The following CRB1 variants were observed in gnomAD, a reference collection of about 807,000 sequenced individuals.
CRB1 encodes the protein protein crumbs homolog 1.
In CRB1, 83 loss-of-function variants were observed where a neutral mutation model predicts 120.0. The observed-to-expected ratio is 0.69, with a 90% CI of 0.58 to 0.83. CRB1 has a LOEUF of 0.83. Among genes scored for constraint, CRB1 ranks in the 40% least tolerant of loss-of-function variants. CRB1 has a pLI of 0.00. For synonymous variants in CRB1, 625 were observed against 612.5 expected (o/e 1.02, Z -0.30); for missense variants, 1,699 against 1,687.6 (o/e 1.01, Z -0.12).
chr1:197,201,619 A>C, the CRB1 span, among the ~76,000 whole-genome samples: 1 of 152,086 alleles, frequency 6.6e-6, no homozygotes, highest in Non-Finnish European at 1.5e-5. Flanking sequence ...GGGCAATGGG[A>C]GAGGGGAGGA....
the CRB1 span, among the ~76,000 whole-genome samples, chr1:197,211,599 C>A: frequency 6.6e-6 from 1 of 152,166 alleles, no homozygotes; most frequent in Non-Finnish European, 1.5e-5. Context: ...TAAGGTGGAG[C>A]TCTCATGAAA....
intron 2 of CRB1, among the ~76,000 whole-genome samples, chr1:197,331,616 T>C (rs1174382838): frequency 6.6e-6 from 1 of 152,132 alleles, no homozygotes; most frequent in Non-Finnish European, 1.5e-5. Context: ...TTTACAATGG[T>C]CACATTTAAA....
chr1:197,453,482 A>T (rs1437055860), intron 11 of CRB1, among the ~76,000 whole-genome samples: 5 of 146,392 alleles, frequency 3.4e-5, no homozygotes, highest in Non-Finnish European at 4.5e-5. Flanking sequence ...TACATTAAAT[A>T]ACTGTGTGTG....
chr1:197,308,773 C>A (rs1268284978), intron 1 of CRB1, among the ~76,000 whole-genome samples: 1 of 151,162 alleles, frequency 6.6e-6, no homozygotes, highest in Non-Finnish European at 1.5e-5. Flanking sequence ...AAATCATTCC[C>A]TATATATGTT....
chr1:197,228,937 T>C, the CRB1 span, among the ~76,000 whole-genome samples: 19 of 152,124 alleles, frequency 1.2e-4, no homozygotes, highest in South Asian at 6.2e-4. Context: ...AACCATCAGA[T>C]CTTGTGAGAC....
intron 11 of CRB1, among the ~76,000 whole-genome samples, chr1:197,450,802 A>G (rs1446653143): frequency 6.9e-6 from 1 of 144,700 alleles, no homozygotes; most frequent in Admixed American, 6.9e-5. Flanking sequence ...AAAAAAAAAA[A>G]AAAAAAAATT....
intron 6 of CRB1, 40 bp downstream of exon 6, chr1:197,421,996 C>G: frequency 1.3e-6 from 2 of 1,592,120 alleles, no homozygotes; most frequent in South Asian, 1.1e-5. Flanking sequence ...AGTGCCATGC[C>G]TCAGAGCAGA....
the CRB1 span, among the ~76,000 whole-genome samples, chr1:197,209,707 A>G: frequency 6.6e-6 from 1 of 152,064 alleles, no homozygotes; most frequent in African/African-American, 2.4e-5. Context: ...GTGTGAGACA[A>G]AGTCAGAAAT....
intron 5 of CRB1, among the ~76,000 whole-genome samples, chr1:197,373,543 C>G (rs1661485714): frequency 6.6e-6 from 1 of 152,180 alleles, no homozygotes; most frequent in South Asian, 2.1e-4. Flanking sequence ...ACCCATCCAT[C>G]TTGATCATTA....
chr1:197,265,088 T>C (rs1021080532), upstream of CRB1, among the ~76,000 whole-genome samples: 5 of 152,194 alleles, frequency 3.3e-5, no homozygotes, highest in Admixed American at 3.3e-4. Context: ...CCAATGTCTG[T>C]CATGGCAGTG....
At chr1:197,394,925 A>T (rs1662697551) in intron 5 of CRB1, among the ~76,000 whole-genome samples, 1 of 152,072 alleles carries the variant, frequency 6.6e-6, no homozygotes, top group African/African-American at 2.4e-5. Flanking sequence ...TCTCTATTTT[A>T]TGCCTCGGTT....
At chr1:197,402,243 G>A (rs754581134) in intron 5 of CRB1, among the ~76,000 whole-genome samples, 1 of 152,058 alleles carries the variant, frequency 6.6e-6, no homozygotes, top group Non-Finnish European at 1.5e-5. Context: ...AGTGTCTGTT[G>A]TTCCCTTCTT....
chr1:197,438,589 A>T lies in CRB1; in HGVS notation c.3792A>T (p.Thr1264=). The change falls in exon 10 of 12, where the codon ACA becomes ACT. Residue 1264 remains threonine, a synonymous_variant. Transcript: ENST00000367400. ...CAACAGTCTGTGGGAATGAGAAGAC[A>T]AATCTCACTTGCTACAATGGAGGCA... The part of the protein sequence containing the change: ...LPSTVCGNEK[T]NLTCYNGGNC... 2 of 1,612,952 alleles carry T rather than the reference A, an allele frequency of 1.2e-6. No homozygotes were observed. The highest frequency in any genetic ancestry group is 1.7e-6 in the Non-Finnish European group (2 of 1,179,096).
chr1:197,343,553 A>G (rs192337949), intron 2 of CRB1, among the ~76,000 whole-genome samples: 37 of 152,260 alleles, frequency 2.4e-4, no homozygotes, highest in Non-Finnish European at 3.1e-4. Context: ...TTACATTGTC[A>G]CCAGTTTTTG....
At chr1:197,379,620 A>C (rs891520200) in intron 5 of CRB1, among the ~76,000 whole-genome samples, 4 of 151,984 alleles carry the variant, frequency 2.6e-5, no homozygotes, top group Admixed American at 6.6e-5. Flanking sequence ...AAAAAAAAAA[A>C]AAAAAAAAAC....
At chr1:197,281,316 A>G (rs1338648679) in intron 1 of CRB1, among the ~76,000 whole-genome samples, 1 of 151,862 alleles carries the variant, frequency 6.6e-6, no homozygotes, top group Non-Finnish European at 1.5e-5. Context: ...ATTATCTTAT[A>G]CTAGAGTTTT....
At chr1:197,254,369 A>G in the CRB1 span, among the ~76,000 whole-genome samples, 2 of 152,100 alleles carry the variant, frequency 1.3e-5, no homozygotes, top group Non-Finnish European at 2.9e-5. Flanking sequence ...AGGGAGCTAA[A>G]GGTTTCAGTC....
chr1:197,213,222 T>G, the CRB1 span, among the ~76,000 whole-genome samples: 1 of 152,130 alleles, frequency 6.6e-6, no homozygotes, highest in Admixed American at 6.6e-5. Context: ...TCAAACCAAC[T>G]CTCCTACTGA....
the CRB1 span, among the ~76,000 whole-genome samples, chr1:197,245,783 T>C: frequency 6.6e-6 from 1 of 152,106 alleles, no homozygotes; most frequent in Non-Finnish European, 1.5e-5. Context: ...TCCTTGCTAC[T>C]GGCAGGTCAG....
Sources: allele counts gnomAD v4.1 joint callset (sites outside exome capture counted in the v4.1 genomes callset), GRCh38; gene constraint gnomAD v4.1.1; transcripts MANE v1.5; gene names NCBI Gene and HGNC (gene_info 2026-07-23, HGNC 2026-07-21).